UGT1A8: variants seen among roughly 807,000 people sequenced by gnomAD.
The protein encoded by UGT1A8 is UDP-glucuronosyltransferase 1A8.
In UGT1A8, 39 loss-of-function variants were observed where a neutral mutation model predicts 45.3. The observed-to-expected ratio is 0.86, with a 90% CI of 0.67 to 1.12. UGT1A8 has a LOEUF of 1.12. Ranked by LOEUF, UGT1A8 falls within the 50% of genes most tolerant of loss-of-function variation. The pLI is 0.00. For missense variants in UGT1A8, 719 were observed against 664.9 expected (o/e 1.08, Z -0.90); for synonymous variants, 275 against 249.2 (o/e 1.10, Z -0.97).
chr2:233,672,481 T>G (rs145038612), intron 1 of UGT1A8: 789 of 1,613,882 alleles, frequency 4.9e-4, no homozygotes, highest in Non-Finnish European at 6.3e-4. Flanking sequence ...AGGTGCACAG[T>G]GCCCTGCTCC....
intron 1 of UGT1A8, among the ~76,000 whole-genome samples, chr2:233,632,274 C>A (rs1337509106): frequency 1.3e-5 from 2 of 152,132 alleles, no homozygotes; most frequent in Non-Finnish European, 2.9e-5. Context: ...AGCATGATGC[C>A]TCCAGCTTTG....
At chr2:233,695,221 G>A (rs1260804577) in intron 1 of UGT1A8, among the ~76,000 whole-genome samples, 1 of 150,756 alleles carries the variant, frequency 6.6e-6, no homozygotes, top group Admixed American at 6.6e-5. Flanking sequence ...CACCTCCTGG[G>A]TTCAAGCGAT....
chr2:233,751,768 A>C lies in UGT1A8; in HGVS notation c.856-15266A>C, dbSNP rs142654727. Among the ~76,000 whole-genome samples, 1,484 of 152,208 alleles carry C rather than the reference A, an allele frequency of 9.7e-3. 20 individuals carry two copies. The highest frequency in any genetic ancestry group is 0.034 in the African/African-American group (1,414 of 41,516). On this transcript the variant is annotated intron_variant, in intron 1 of 4. Coordinates refer to ENST00000373450, the MANE Select transcript of UGT1A8 (RefSeq NM_019076.5). ...CTTGCTTGCTGCCATGTGAGACATGACTTTGCTTATCTCTCACCTTCTGTC... is the reference window on the plus strand; with the variant it reads ...CTTGCTTGCTGCCATGTGAGACATGCCTTTGCTTATCTCTCACCTTCTGTC...
intron 1 of UGT1A8, chr2:233,753,788 C>T (rs970692260): frequency 7.9e-5 from 12 of 152,166 alleles, no homozygotes; most frequent in Non-Finnish European, 1.8e-4. Context: ...CTTTACATTT[C>T]CAGGACCTAC....
intron 1 of UGT1A8, among the ~76,000 whole-genome samples, chr2:233,689,496 A>G (rs2125542455): frequency 6.6e-6 from 1 of 152,236 alleles, no homozygotes; most frequent in East Asian, 1.9e-4. Context: ...GCAAATCAAT[A>G]CGCAGAGGTT....
chr2:233,767,623 T>C (rs188657722), intron 2 of UGT1A8, among the ~76,000 whole-genome samples: 5 of 152,322 alleles, frequency 3.3e-5, no homozygotes, highest in African/African-American at 1.2e-4. Flanking sequence ...GTGCACAGCT[T>C]GATAAATTAT....
intron 1 of UGT1A8, among the ~76,000 whole-genome samples, chr2:233,662,915 T>C (rs1460348817): frequency 1.3e-5 from 2 of 151,838 alleles, no homozygotes; most frequent in Non-Finnish European, 2.9e-5. Flanking sequence ...TTTAGTTTAT[T>C]TATATGGTAT....
At chr2:233,659,408 T>C (rs1341958295) in intron 1 of UGT1A8, among the ~76,000 whole-genome samples, 1 of 152,204 alleles carries the variant, frequency 6.6e-6, no homozygotes, top group Non-Finnish European at 1.5e-5. Context: ...TGTATTATTG[T>C]AATAAAGTCA....
At chr2:233,646,350 C>T (rs188242142) in intron 1 of UGT1A8, among the ~76,000 whole-genome samples, 51 of 152,304 alleles carry the variant, frequency 3.3e-4, no homozygotes, top group Admixed American at 1.0e-3. Context: ...GATTAACATT[C>T]GGCTCCTCAT....
intron 1 of UGT1A8, chr2:233,693,647 A>C: frequency 6.2e-7 from 1 of 1,614,186 alleles, no homozygotes. Context: ...CTTCCTTGTT[A>C]ATTTGTTGGA....
At chr2:233,742,200 G>A (rs1293437959) in intron 1 of UGT1A8, among the ~76,000 whole-genome samples, 2 of 151,984 alleles carry the variant, frequency 1.3e-5, no homozygotes, top group East Asian at 3.9e-4. Context: ...GAAATCAGGG[G>A]ACTCACAGCC....
At chr2:233,729,120 T>G (rs771266076) in intron 1 of UGT1A8, 117 of 1,612,970 alleles carry the variant, frequency 7.3e-5, no homozygotes, top group Non-Finnish European at 9.5e-5. Flanking sequence ...CCGTGTCTTC[T>G]GCTGAGATGG....
chr2:233,670,580 T>G (rs2074162940), intron 1 of UGT1A8, among the ~76,000 whole-genome samples: 1 of 152,226 alleles, frequency 6.6e-6, no homozygotes, highest in South Asian at 2.1e-4. Flanking sequence ...CTTTAGTATC[T>G]GGTACTGATT....
intron 1 of UGT1A8, 104 bp from the exon 2 acceptor site, chr2:233,766,930 T>G: frequency 1.9e-6 from 3 of 1,580,254 alleles, no homozygotes; most frequent in Admixed American, 1.8e-5. Flanking sequence ...ACGCATGCCT[T>G]TAATCATAGT....
At chr2:233,629,099 C>T (rs574212241) in intron 1 of UGT1A8, among the ~76,000 whole-genome samples, 3 of 152,132 alleles carry the variant, frequency 2.0e-5, no homozygotes, top group African/African-American at 7.2e-5. Flanking sequence ...ACTTTGGACC[C>T]ATTAAAAAAG....
Position 233,769,754 on chromosome 2 carries a change from C to T in UGT1A8, c.1295+1315C>T. On this transcript the variant is annotated intron_variant, in intron 4 of 4. Coordinates refer to ENST00000373450, the MANE Select transcript of UGT1A8 (RefSeq NM_019076.5). The surrounding 1 kb of genome is among the most constrained non-coding windows in gnomAD (Gnocchi z 4.4). ...CCTGTAGTCCCAGCCACTCTGGAGGCTAAGGCGGGAGGATTGCTTGAGCCC... is the reference window on the plus strand; with the variant it reads ...CCTGTAGTCCCAGCCACTCTGGAGGTTAAGGCGGGAGGATTGCTTGAGCCC... The T allele has an allele frequency of 7.0e-7, 1 of 1,426,418 alleles. No homozygotes were observed. Among genetic ancestry groups the T allele is most frequent in the African/African-American group, 1.4e-5 (1 of 70,050 alleles). The allele number at this position is 1,426,418 out of a possible 1,614,324, so 88.4% of individuals were successfully genotyped here.
At chr2:233,690,017 C>A (rs2074971660) in intron 1 of UGT1A8, 1 of 439,614 alleles carries the variant, frequency 2.3e-6, no homozygotes, top group Non-Finnish European at 4.5e-6. Context: ...CATTTTGGAC[C>A]TTCCTCAAGA....
In UGT1A8 at chr2:233,618,066, T is replaced by G. The variant is rs775056833; in HGVS notation, c.359T>G (p.Phe120Cys). Residue 120 changes from phenylalanine to cysteine, a missense_variant, in exon 1 of 5, where the codon TTT (phenylalanine) becomes TGT (cysteine). Transcript: ENST00000373450. ...LSSSNGFFNL[F>C]FSHCRSLFND... Reference sequence around the variant, plus strand: ...TCATCCAATGGTTTTTTTAACTTATTTTTTTCGCATTGCAGGAGTTTGTTT... The same window carrying G: ...TCATCCAATGGTTTTTTTAACTTATGTTTTTCGCATTGCAGGAGTTTGTTT... The G allele has an allele frequency of 1.9e-6, 3 of 1,614,004 alleles. No homozygotes were observed. Among genetic ancestry groups the G allele is most frequent in the Non-Finnish European group, 2.5e-6 (3 of 1,179,994 alleles).
chr2:233,670,942 A>T (rs903880823), intron 1 of UGT1A8, among the ~76,000 whole-genome samples: 1 of 152,180 alleles, frequency 6.6e-6, no homozygotes, highest in Non-Finnish European at 1.5e-5. Context: ...GGCAGTGGGT[A>T]TTGATCTTTT....
Sources: allele counts gnomAD v4.1 joint callset (sites outside exome capture counted in the v4.1 genomes callset), GRCh38; gene constraint gnomAD v4.1.1; non-coding constraint Gnocchi (gnomAD v3.1); transcripts MANE v1.5; gene names NCBI Gene and HGNC (gene_info 2026-07-23, HGNC 2026-07-21).